The following TCOF1 variants were observed in gnomAD, a reference collection of about 807,000 sequenced individuals.
The protein encoded by TCOF1 is treacle protein.
A neutral mutation model predicts 149.0 loss-of-function variants in TCOF1; 33 were observed. The observed-to-expected ratio is 0.22, with a 90% CI of 0.17 to 0.30. The LOEUF is 0.30. Among genes scored for constraint, TCOF1 ranks in the 10% least tolerant of loss-of-function variants. TCOF1 has a pLI of 1.00. For synonymous variants in TCOF1, 789 were observed against 738.8 expected (o/e 1.07, Z -1.10); for missense variants, 1,728 against 1,840.7 (o/e 0.94, Z 1.12).
chr5:150,361,397 G>A (rs1394381725), intron 2 of TCOF1, among the ~76,000 whole-genome samples, 186 bp downstream of exon 2: 1 of 152,076 alleles, frequency 6.6e-6, no homozygotes, highest in Non-Finnish European at 1.5e-5. Context: ...CTGGTAGTGG[G>A]AGGGGACATT....
intron 3 of TCOF1, chr5:150,367,581 G>T: frequency 2.1e-6 from 1 of 480,142 alleles, no homozygotes; most frequent in Non-Finnish European, 3.9e-6. Flanking sequence ...GGGCCTCCAC[G>T]TCTCATGCTG....
intron 1 of TCOF1, 30 bp downstream of exon 1, chr5:150,357,884 C>A (rs1358634763): frequency 1.9e-5 from 30 of 1,544,516 alleles, no homozygotes; most frequent in Non-Finnish European, 2.6e-5. Flanking sequence ...GTGCGAGGGC[C>A]GCGTGCAAGA....
intron 3 of TCOF1, chr5:150,364,958 G>A (rs546162644): frequency 6.6e-6 from 1 of 152,636 alleles, no homozygotes; most frequent in East Asian, 1.9e-4. Context: ...GAGCTCAAGT[G>A]ATCCTCCTGC....
At chr5:150,365,192 A>C (rs967454407) in intron 3 of TCOF1, 1 of 150,744 alleles carries the variant, frequency 6.6e-6, no homozygotes, top group Non-Finnish European at 1.5e-5. Context: ...CCTCCCGAGT[A>C]GCTGGGACTA....
chr5:150,371,668 G>A (rs757454802), intron 6 of TCOF1, among the ~76,000 whole-genome samples: 25 of 152,126 alleles, frequency 1.6e-4, no homozygotes, highest in Admixed American at 1.2e-3. Context: ...GACAGGATGC[G>A]CTCTCCTGAT....
chr5:150,375,714 A>G lies in TCOF1; in HGVS notation c.1705-7A>G. 1 of 1,613,540 alleles carries G rather than the reference A, an allele frequency of 6.2e-7. No homozygotes were observed. The highest frequency in any genetic ancestry group is 8.5e-7 in the Non-Finnish European group (1 of 1,179,752). On this transcript the variant is annotated splice_region_variant and splice_polypyrimidine_tract_variant and intron_variant, in intron 11 of 26. Coordinates refer to ENST00000643257, the MANE Select transcript of TCOF1 (RefSeq NM_001371623.1). ...TCCCTCTCCCGATCCTGTGTATCTC[A>G]CTCCAGGAAAAGTCCTTGGGGAACA...
chr5:150,373,452 AGCTTCTTAGAAGATCAGAGCT>A (rs1762993785), intron 7 of TCOF1, among the ~76,000 whole-genome samples: 1 of 152,224 alleles, frequency 6.6e-6, no homozygotes, highest in South Asian at 2.1e-4. Context: ...CTGCATGAGA[AGCTTCTTAGAAGATCAGAGCT>A]GCTGTTTTCT....
At chr5:150,363,878 A>G (rs959115678) in intron 2 of TCOF1, among the ~76,000 whole-genome samples, 1 of 152,232 alleles carries the variant, frequency 6.6e-6, no homozygotes, top group African/African-American at 2.4e-5. Flanking sequence ...CTGTTATATA[A>G]CATTATCCAG....
intron 17 of TCOF1, among the ~76,000 whole-genome samples, chr5:150,382,175 G>A (rs1437944652): frequency 6.6e-6 from 1 of 151,742 alleles, no homozygotes; most frequent in South Asian, 2.1e-4. Context: ...AAAAAAAAAA[G>A]AGATTAGGGG....
rs577591411 is a variant in TCOF1, at chr5:150,375,198, C to T, written c.1488+35C>T. 3.1e-6 allele frequency: 5 copies of T among 1,612,508 alleles called. No homozygotes were observed. In the South Asian group the frequency reaches 3.3e-5, roughly 11 times the overall value. On this transcript the variant is annotated intron_variant, in intron 10 of 26. Coordinates refer to ENST00000643257, the MANE Select transcript of TCOF1 (RefSeq NM_001371623.1). ...GAAGCCGCCCTGCATGGCCTGTGCC[C>T]TGCCTCAAAAGACCTCCTGTGGTTT...
intron 5 of TCOF1, 142 bp from the exon 6 acceptor site, chr5:150,369,387 C>T: frequency 2.2e-6 from 2 of 910,592 alleles, no homozygotes; most frequent in South Asian, 1.4e-5. Flanking sequence ...GGGGGCTTCA[C>T]AGCTCAGTGC....
chr5:150,366,480 G>A (rs188864445), intron 3 of TCOF1, among the ~76,000 whole-genome samples: 21 of 152,324 alleles, frequency 1.4e-4, no homozygotes, highest in Middle Eastern at 3.4e-3. Flanking sequence ...GATAATACAT[G>A]AGATGAAAAG....
chr5:150,392,866 C>A, intron 22 of TCOF1, 76 bp downstream of exon 22: 1 of 1,531,934 alleles, frequency 6.5e-7, no homozygotes, highest in Non-Finnish European at 8.9e-7. Flanking sequence ...TCTACCCGAT[C>A]CCTCAGGTCA....
At chr5:150,377,957 A>G (rs140556936) in intron 14 of TCOF1, among the ~76,000 whole-genome samples, 1 of 152,214 alleles carries the variant, frequency 6.6e-6, no homozygotes, top group East Asian at 1.9e-4. Context: ...GTATGATTTA[A>G]ATCCTTTTTT....
At chr5:150,395,084 G>A (rs1042398182) in intron 23 of TCOF1, among the ~76,000 whole-genome samples, 1 of 152,168 alleles carries the variant, frequency 6.6e-6, no homozygotes, top group African/African-American at 2.4e-5. Context: ...GGGCCCCTCT[G>A]CCTAACCTGG....
At chr5:150,393,335 G>T (rs1218765937) in intron 22 of TCOF1, 37 bp from the exon 23 acceptor site, 2 of 1,613,206 alleles carry the variant, frequency 1.2e-6, no homozygotes, top group Non-Finnish European at 1.7e-6. Flanking sequence ...CAGTGGGGTG[G>T]GGTGGTGGCA....
chr5:150,375,243 C>T lies in TCOF1; in HGVS notation c.1488+80C>T, dbSNP rs530276276. The T allele has an allele frequency of 4.3e-6, 7 of 1,609,612 alleles. No homozygotes were observed. The Admixed American group carries it at 8.3e-5, about 19-fold the overall frequency. On this transcript the variant is annotated intron_variant, in intron 10 of 26. Transcript: ENST00000643257. ...TGGTTTTGACTTTTCCTCTCTGAAC[C>T]TAGAGCCCTGTGCGGCTGGCTTCGT...
At chr5:150,362,602 G>T (rs1026804741) in intron 2 of TCOF1, among the ~76,000 whole-genome samples, 1 of 152,202 alleles carries the variant, frequency 6.6e-6, no homozygotes, top group Non-Finnish European at 1.5e-5. Flanking sequence ...CTAGGTGGAA[G>T]TGGTGGGCTC....
intron 7 of TCOF1, among the ~76,000 whole-genome samples, chr5:150,372,588 C>G (rs555518149): frequency 6.6e-6 from 1 of 152,344 alleles, no homozygotes; most frequent in Admixed American, 6.5e-5. Context: ...GTTCCCTTCC[C>G]CATCTGCTGG....
Sources: gnomAD v4.1 joint callset for allele counts (sites outside exome capture counted in the v4.1 genomes callset) on GRCh38, gnomAD v4.1.1 for gene constraint, MANE v1.5 for transcripts, NCBI Gene and HGNC (gene_info 2026-07-23, HGNC 2026-07-21) for gene names.